The following USP33 variants were observed in gnomAD, a reference collection of about 807,000 sequenced individuals.
The protein encoded by USP33 is ubiquitin carboxyl-terminal hydrolase 33.
In USP33, 46 loss-of-function variants were observed where a neutral mutation model predicts 124.2. The observed-to-expected ratio is 0.37, with a 90% CI of 0.29 to 0.47. The LOEUF is 0.47. Ranked by LOEUF, USP33 falls within the 20% of genes least tolerant of loss-of-function variation. The pLI is 0.99. For missense variants in USP33, 851 were observed against 1,070.6 expected, an observed-to-expected ratio of 0.79 and a Z score of 2.86; for synonymous variants, 350 against 352.3, an observed-to-expected ratio of 0.99 and a Z score of 0.07.
At chr1:77,708,583 T>C (rs1674893128) in intron 21 of USP33, among the ~76,000 whole-genome samples, 1 of 152,226 alleles carries the variant, frequency 6.6e-6, no homozygotes, top group African/African-American at 2.4e-5. Context: ...TATGCAGTTT[T>C]GAATTTTTTA....
chr1:77,705,102 C>T (rs1254333958), intron 21 of USP33, among the ~76,000 whole-genome samples: 5 of 111,808 alleles, frequency 4.5e-5, no homozygotes, highest in Admixed American at 9.1e-5. Flanking sequence ...TTTCTGTTAA[C>T]ACAAATGCTT....
chr1:77,700,697 CTTTTTTT>C (rs534786658), intron 22 of USP33, among the ~76,000 whole-genome samples: 16 of 132,156 alleles, frequency 1.2e-4, no homozygotes, highest in African/African-American at 4.2e-4. Flanking sequence ...ATATCAGAAT[CTTTTTTT>C]TTTTTTTTTT....
At chr1:77,701,602 C>T (rs1674025759) in intron 21 of USP33, 131 bp from the exon 22 acceptor site, 1 of 672,610 alleles carries the variant, frequency 1.5e-6, no homozygotes, top group African/African-American at 1.9e-5. Context: ...TCCTTGAACC[C>T]AGGAGTTCCA....
At chr1:77,732,079 G>C (rs1677884510) in intron 7 of USP33, among the ~76,000 whole-genome samples, 1 of 150,796 alleles carries the variant, frequency 6.6e-6, no homozygotes, top group South Asian at 2.1e-4. Context: ...ACTCCAGCCT[G>C]GGTGACAGAG....
intron 6 of USP33, among the ~76,000 whole-genome samples, chr1:77,735,425 G>C (rs1678328628): frequency 6.6e-6 from 1 of 152,146 alleles, no homozygotes; most frequent in Non-Finnish European, 1.5e-5. Context: ...TAAGTATCCA[G>C]TAAAATTAAT....
intron 4 of USP33, among the ~76,000 whole-genome samples, chr1:77,740,377 G>A (rs537907157): frequency 1.3e-5 from 2 of 150,176 alleles, no homozygotes; most frequent in South Asian, 4.2e-4. Flanking sequence ...TTTTGAGATG[G>A]AGTTTCGCTC....
intron 21 of USP33, among the ~76,000 whole-genome samples, chr1:77,704,859 T>C (rs1570731266): frequency 6.6e-6 from 1 of 152,194 alleles, no homozygotes; most frequent in East Asian, 1.9e-4. Flanking sequence ...TGGTCTACAC[T>C]CACTGCTCTA....
At chr1:77,703,049 A>AC (rs900615654) in intron 21 of USP33, among the ~76,000 whole-genome samples, 4 of 152,150 alleles carry the variant, frequency 2.6e-5, no homozygotes, top group Non-Finnish European at 5.9e-5. Flanking sequence ...AAATTAATCA[A>AC]AACCCTGTAA....
At chr1:77,705,015 T>C (rs989984213) in intron 21 of USP33, among the ~76,000 whole-genome samples, 1 of 151,866 alleles carries the variant, frequency 6.6e-6, no homozygotes, top group Non-Finnish European at 1.5e-5. Context: ...TCTGATCCTA[T>C]CTGCTTTTTC....
chr1:77,708,061 T>C (rs901682470), intron 21 of USP33, among the ~76,000 whole-genome samples: 1 of 152,246 alleles, frequency 6.6e-6, no homozygotes, highest in Non-Finnish European at 1.5e-5. Context: ...CAGGAGCTAG[T>C]TGTATTACAT....
chr1:77,701,439 T>C lies in USP33; in HGVS notation c.2439A>G (p.Pro813=). 1 of 1,613,102 alleles carries C rather than the reference T, an allele frequency of 6.2e-7. No individual in the cohort carries two copies. The highest frequency in any genetic ancestry group is 8.5e-7 in the Non-Finnish European group (1 of 1,179,728). Reference sequence around the variant, plus strand: ...GCATACTGATGCAATAAAAAGTAGCTGGAGAGTCCTCTTTTTGGAACGCTC... The same window carrying C: ...GCATACTGATGCAATAAAAAGTAGCCGGAGAGTCCTCTTTTTGGAACGCTC... ...LNRAFQKEDS[P]ATFYCISMQW... is the part of the protein sequence containing the mutation. Residue 813 remains proline, a synonymous_variant, in exon 22 of 24, where the codon CCA becomes CCG. Coordinates refer to ENST00000370794, the MANE Select transcript of USP33 (RefSeq NM_201624.3).
intron 1 of USP33, among the ~76,000 whole-genome samples, chr1:77,752,324 A>G (rs573061091): frequency 3.6e-4 from 54 of 151,970 alleles, no homozygotes; most frequent in African/African-American, 1.3e-3. Context: ...TTTTTAGTAG[A>G]GACGGAGTTT....
At chr1:77,747,457 A>G (rs1256253520) in intron 1 of USP33, among the ~76,000 whole-genome samples, 1 of 151,936 alleles carries the variant, frequency 6.6e-6, no homozygotes, top group Non-Finnish European at 1.5e-5. Context: ...AAGTCTTGCT[A>G]TGTTGACCAG....
At chr1:77,711,989 T>A in intron 20 of USP33, 134 bp from the exon 21 acceptor site, 2 of 835,304 alleles carry the variant, frequency 2.4e-6, no homozygotes, top group Non-Finnish European at 3.6e-6. Flanking sequence ...AAAAATCATA[T>A]AAGGACTTGT....
chr1:77,744,767 C>T (rs1679550308), intron 1 of USP33, among the ~76,000 whole-genome samples: 2 of 152,172 alleles, frequency 1.3e-5, no homozygotes, highest in Non-Finnish European at 2.9e-5. Context: ...ATCACCTGAG[C>T]CCAGTAGATG....
rs535828382 is a variant in USP33, at chr1:77,719,434, ATTGTT to A, written c.1692-798_1692-794del. On this transcript the variant is annotated intron_variant, in intron 15 of 23. Coordinates refer to ENST00000370794, the MANE Select transcript of USP33 (RefSeq NM_201624.3). ...AGAGCTGTATAACTCTTTGATGAAAATTGTTTTGTTTTAACAAATGTGCTACTGTC... is the reference window on the plus strand; with the variant it reads ...AGAGCTGTATAACTCTTTGATGAAAATTGTTTTAACAAATGTGCTACTGTC... Among the ~76,000 whole-genome samples the A allele has an allele frequency of 1.1e-4, 16 of 152,332 alleles. No homozygotes were observed. In the South Asian group the frequency reaches 1.2e-3, roughly 12 times the overall value.
chr1:77,718,571 A>G, intron 16 of USP33, 25 bp downstream of exon 16: 2 of 1,546,594 alleles, frequency 1.3e-6, no homozygotes, highest in South Asian at 2.3e-5. Context: ...ACACAATATA[A>G]GTTGAATTAA....
intron 21 of USP33, 184 bp from the exon 22 acceptor site, chr1:77,701,655 AC>A (rs749273148): frequency 1.5e-5 from 7 of 480,648 alleles, no homozygotes; most frequent in African/African-American, 1.2e-4. Context: ...TACAAAAAAA[AC>A]ATTATTTTTT....
intron 8 of USP33, among the ~76,000 whole-genome samples, chr1:77,730,319 T>C (rs548471336): frequency 4.6e-5 from 7 of 152,326 alleles, no homozygotes; most frequent in African/African-American, 9.6e-5. Context: ...GATTTTATCA[T>C]TGTGAGAATG....
Sources: allele counts gnomAD v4.1 joint callset (sites outside exome capture counted in the v4.1 genomes callset), GRCh38; gene constraint gnomAD v4.1.1; transcripts MANE v1.5; gene names NCBI Gene and HGNC (gene_info 2026-07-23, HGNC 2026-07-21).